THAP9: variants seen among roughly 807,000 people sequenced by gnomAD.
THAP9 encodes DNA transposase THAP9.
THAP9 carries 20 observed loss-of-function variants against 35.7 expected under a neutral mutation model. The ratio of observed to expected loss-of-function variants is 0.56; its 90% CI spans 0.39 to 0.81. The LOEUF is 0.81. Ranked by LOEUF, THAP9 falls within the 40% of genes least tolerant of loss-of-function variation. THAP9 has a pLI of 0.00. For synonymous variants in THAP9, 335 were observed against 373.7 expected (o/e 0.90, Z 1.19); for missense variants, 870 against 1,047.4 (o/e 0.83, Z 2.34).
chr4:82,917,236 G>A lies in THAP9; in HGVS notation c.1024G>A (p.Val342Ile). ...GAGAACACCTCTTGGTTATTTTTTT[G>A]TAAACAGAGCATCTGGATATTTGCA... ...HWRTPLGYFFVNRASGYLQAQ... is the reference protein window; with the variant it reads ...HWRTPLGYFFINRASGYLQAQ... Residue 342 changes from valine to isoleucine, a missense_variant, in exon 5 of 5, where the codon GTA becomes ATA. Transcript: ENST00000302236. 1 of 1,613,972 alleles carries A rather than the reference G, an allele frequency of 6.2e-7. No homozygotes were observed.
chr4:82,904,398 TTAAAA>T (rs1303516942), intron 1 of THAP9, among the ~76,000 whole-genome samples: 2 of 152,192 alleles, frequency 1.3e-5, no homozygotes, highest in Non-Finnish European at 2.9e-5. Flanking sequence ...ACCAAATAGT[TTAAAA>T]TCACTACAGG....
In THAP9 at chr4:82,917,953, G is replaced by T. The variant is rs1262670736; in HGVS notation, c.1741G>T (p.Ala581Ser). Reference protein sequence around the residue: ...KLGFLGFLLNAESLKWLYQNY... With the variant: ...KLGFLGFLLNSESLKWLYQNY... ...AGGATTCCTGGGATTTTTGCTCAAT[G>T]CTGAGAGCTTAAAATGGCTCTACCA... is the stretch of plus-strand genomic sequence containing the variant. The change falls in exon 5 of 5, where the codon GCT (alanine) becomes TCT (serine). Residue 581 changes from alanine (A) to serine (S), a missense_variant. Ala to Ser is a moderately conservative substitution (Grantham distance 99, BLOSUM62 1). This residue lies in a region of THAP9 where 414 missense variants were observed against 500.8 expected (regional missense o/e 0.83). Coordinates refer to ENST00000302236, the MANE Select transcript of THAP9 (RefSeq NM_024672.6). 6.2e-6 allele frequency: 10 copies of T among 1,613,842 alleles called. No individual in the cohort carries two copies. Among genetic ancestry groups the T allele is most frequent in the Non-Finnish European group, 8.5e-6 (10 of 1,179,976 alleles).
rs748727294 is a variant in THAP9, at chr4:82,917,992, C to A, written c.1780C>A (p.Pro594Thr). The A allele has an allele frequency of 6.2e-7, 1 of 1,613,922 alleles. No individual in the cohort carries two copies. The change falls in exon 5 of 5, where the codon CCA becomes ACA. Residue 594 changes from proline to threonine, a missense_variant. By Grantham distance (38) the Pro-to-Thr change is conservative. Coordinates refer to ENST00000302236, the MANE Select transcript of THAP9 (RefSeq NM_024672.6). Reference protein sequence around the residue: ...LKWLYQNYVFPKVMPFPYLLT... With the variant: ...LKWLYQNYVFTKVMPFPYLLT... ...ATGGCTCTACCAAAATTATGTTTTCCCAAAGGTCATGCCTTTTCCTTATCT... is the reference window on the plus strand; with the variant it reads ...ATGGCTCTACCAAAATTATGTTTTCACAAAGGTCATGCCTTTTCCTTATCT...
chr4:82,911,633 C>T (rs775790172), intron 4 of THAP9, among the ~76,000 whole-genome samples: 1 of 152,104 alleles, frequency 6.6e-6, no homozygotes, highest in African/African-American at 2.4e-5. Flanking sequence ...CCCAGATTGG[C>T]CTTGAACTTC....
chr4:82,911,486 C>T (rs1005427589), intron 4 of THAP9, among the ~76,000 whole-genome samples: 4 of 151,966 alleles, frequency 2.6e-5, no homozygotes, highest in African/African-American at 7.3e-5. Context: ...CCCAGCTACT[C>T]GGGAGGCTGA....
chr4:82,919,642 G>C lies in THAP9; in HGVS notation c.*718G>C, dbSNP rs1721170565. Reference sequence around the variant, plus strand: ...TTTTGAATAATAGGCTGGACACTTAGTTTGACTTGAAAGAGCTCAATGCTC... The same window carrying C: ...TTTTGAATAATAGGCTGGACACTTACTTTGACTTGAAAGAGCTCAATGCTC... On this transcript the variant is annotated 3_prime_UTR_variant, in exon 5 of 5. Transcript: ENST00000302236. 6.6e-6 allele frequency: 1 copy of C among 152,204 alleles called. No homozygotes were observed. Among genetic ancestry groups the C allele is most frequent in the African/African-American group, 2.4e-5 (1 of 41,446 alleles). 9.4% of individuals were successfully genotyped at this position (152,204 alleles called of 1,614,324 possible).
At chr4:82,902,843 G>A (rs1205770083) in intron 1 of THAP9, among the ~76,000 whole-genome samples, 1 of 152,188 alleles carries the variant, frequency 6.6e-6, no homozygotes, top group Admixed American at 6.5e-5. Flanking sequence ...TTTACAAAGT[G>A]ATTTTGAATA....
In THAP9 at chr4:82,907,771, A is replaced by T; in HGVS notation, c.581-14A>T. The T allele has an allele frequency of 1.3e-6, 2 of 1,563,636 alleles. No homozygotes were observed. Among genetic ancestry groups the T allele is most frequent in the Non-Finnish European group, 1.7e-6 (2 of 1,160,248 alleles). ...ACTATTCATCACAAAGAATAAAAAAATTTATTTTAACAGATTTTAAGTGGG... is the reference window on the plus strand; with the variant it reads ...ACTATTCATCACAAAGAATAAAAAATTTTATTTTAACAGATTTTAAGTGGG... On this transcript the variant is annotated splice_polypyrimidine_tract_variant and intron_variant, in intron 3 of 4. Coordinates refer to ENST00000302236, the MANE Select transcript of THAP9 (RefSeq NM_024672.6).
chr4:82,917,302 A>G lies in THAP9; in HGVS notation c.1090A>G (p.Ile364Val). Reference sequence around the variant, plus strand: ...TCTGACTATTGGTAAACTGAGTGACATAGGAATCACAGTTCTGGCTGTTAC... The same window carrying G: ...TCTGACTATTGGTAAACTGAGTGACGTAGGAATCACAGTTCTGGCTGTTAC... Reference protein sequence around the residue: ...LRLTIGKLSDIGITVLAVTSD... With the variant: ...LRLTIGKLSDVGITVLAVTSD... Residue 364 changes from isoleucine (I) to valine (V), a missense_variant, in exon 5 of 5, where the codon ATA becomes GTA. Transcript: ENST00000302236. 1 of 1,614,084 alleles carries G rather than the reference A, an allele frequency of 6.2e-7. No individual in the cohort carries two copies. Among genetic ancestry groups the G allele is most frequent in the Non-Finnish European group, 8.5e-7 (1 of 1,179,948 alleles).
chr4:82,913,953 C>T (rs1226043781), intron 4 of THAP9, among the ~76,000 whole-genome samples: 2 of 151,878 alleles, frequency 1.3e-5, no homozygotes, highest in South Asian at 4.2e-4. Flanking sequence ...GCCAGGCTGG[C>T]CTCAAACTCC....
chr4:82,915,225 C>A (rs971322694), intron 4 of THAP9, among the ~76,000 whole-genome samples: 9 of 149,000 alleles, frequency 6.0e-5, no homozygotes, highest in Non-Finnish European at 1.3e-4. Flanking sequence ...CTTTTGCCAT[C>A]CTGTAAGTAT....
chr4:82,900,888 T>A lies in THAP9; in HGVS notation c.80+6T>A. The stretch of plus-strand genomic sequence containing the variant: ...CGCGGCCTCTCCTTCCACCAGTGCG[T>A]ATGGGAGCAGCCTCGAAGCCTTCGA... On this transcript the variant is annotated splice_donor_region_variant and intron_variant, in intron 1 of 4. Coordinates refer to ENST00000302236, the MANE Select transcript of THAP9 (RefSeq NM_024672.6). The A allele has an allele frequency of 6.2e-7, 1 of 1,613,108 alleles. No individual in the cohort carries two copies. The highest frequency in any genetic ancestry group is 8.5e-7 in the Non-Finnish European group (1 of 1,179,898).
At position 82,907,951 on chromosome 4, in the gene THAP9, T is replaced by C; in HGVS notation, c.731+16T>C. The C allele has an allele frequency of 6.2e-7, 1 of 1,605,808 alleles. No individual in the cohort carries two copies. The highest frequency in any genetic ancestry group is 8.5e-7 in the Non-Finnish European group (1 of 1,177,236). On this transcript the variant is annotated intron_variant, in intron 4 of 4. Coordinates refer to ENST00000302236, the MANE Select transcript of THAP9 (RefSeq NM_024672.6). ...TCCTCAGAACGTAAGTGAATTATTT[T>C]TTTATTTTTTAAAAGTGACTTTCTT... is the stretch of plus-strand genomic sequence containing the variant.
intron 2 of THAP9, 100 bp downstream of exon 2, chr4:82,905,031 C>A: frequency 9.0e-7 from 1 of 1,115,398 alleles, no homozygotes; most frequent in Non-Finnish European, 1.3e-6. Context: ...ACAAAAAAAC[C>A]CAAGTCTTAA....
intron 1 of THAP9, 56 bp downstream of exon 1, chr4:82,900,938 G>C: frequency 6.3e-7 from 1 of 1,594,014 alleles, no homozygotes. Context: ...CCGGCGGGCC[G>C]TGGCGTGGCG....
At chr4:82,910,004 G>A (rs1354147588) in intron 4 of THAP9, 2 of 151,926 alleles carry the variant, frequency 1.3e-5, no homozygotes, top group African/African-American at 4.8e-5. Flanking sequence ...CTCTTCACTG[G>A]TTTTAAAGCA....
At position 82,906,377 on chromosome 4, in the gene THAP9, A is replaced by G. The variant is rs146502138; in HGVS notation, c.330A>G (p.Gln110=). 16 of 1,610,062 alleles carry G rather than the reference A, an allele frequency of 9.9e-6. No individual in the cohort carries two copies. The highest frequency in any genetic ancestry group is 1.3e-5 in the African/African-American group (1 of 74,846). ...KGKARQKILK[Q]PLPDNSQEVA... is the part of the protein sequence containing the mutation. ...AAGCAAGACAAAAAATCCTAAAACA[A>G]CCTCTTCCAGACAATTCTCAAGAAG... Residue 110 remains glutamine, a synonymous_variant, in exon 3 of 5, where the codon CAA becomes CAG. Coordinates refer to ENST00000302236, the MANE Select transcript of THAP9 (RefSeq NM_024672.6).
Position 82,917,879 on chromosome 4 carries a change from C to T in THAP9, c.1667C>T (p.Thr556Ile), listed in dbSNP as rs2126017607. 8.7e-6 allele frequency: 14 copies of T among 1,613,270 alleles called. No individual in the cohort carries two copies. Among genetic ancestry groups the T allele is most frequent in the Non-Finnish European group, 1.2e-5 (14 of 1,179,838 alleles). Residue 556 changes from threonine to isoleucine, a missense_variant, in exon 5 of 5, where the codon ACA becomes ATA. Thr to Ile is a moderately conservative substitution (Grantham distance 89). Around this residue, in one of 3 missense-constraint regions of THAP9, gnomAD observed 414 missense variants for 500.8 expected, o/e 0.83. Coordinates refer to ENST00000302236, the MANE Select transcript of THAP9 (RefSeq NM_024672.6). Reference sequence around the variant, plus strand: ...ATTGAAGCCAAGACTATTTTTGTTACATTATCTGACACTAGCAATAATCAA... The same window carrying T: ...ATTGAAGCCAAGACTATTTTTGTTATATTATCTGACACTAGCAATAATCAA... ...VLIEAKTIFV[T>I]LSDTSNNQII...
chr4:82,915,658 C>T (rs1055722595), intron 4 of THAP9, among the ~76,000 whole-genome samples: 2 of 151,944 alleles, frequency 1.3e-5, no homozygotes, highest in African/African-American at 4.8e-5. Context: ...TAAACTATTA[C>T]AGTCATCCCT....
Sources: allele counts gnomAD v4.1 joint callset (sites outside exome capture counted in the v4.1 genomes callset), GRCh38; gene constraint gnomAD v4.1.1; regional missense constraint gnomAD v4.1.1; transcripts MANE v1.5; gene names NCBI Gene and HGNC (gene_info 2026-07-23, HGNC 2026-07-21).